Variants in CPEB1 observed in about 807,000 individuals in gnomAD.
The protein encoded by CPEB1 is cytoplasmic polyadenylation element binding protein 1, also known as cytoplasmic polyadenylation element-binding protein 1.
CPEB1 carries 7 observed loss-of-function variants against 65.8 expected under a neutral mutation model. The ratio of observed to expected loss-of-function variants is 0.11; its 90% confidence interval spans 0.06 to 0.20. The LOEUF (loss-of-function observed/expected upper bound fraction) is 0.20. Among genes scored for constraint, CPEB1 ranks in the 10% least tolerant of loss-of-function variants. CPEB1 has a pLI of 1.00. For synonymous variants in CPEB1, 262 were observed against 260.0 expected (o/e 1.01, Z -0.08); for missense variants, 551 against 712.2 (o/e 0.77, Z 2.58).
At chr15:82,611,300 T>C (rs2044130053) in intron 3 of CPEB1, among the ~76,000 whole-genome samples, 2 of 151,982 alleles carry the variant, frequency 1.3e-5, no homozygotes, top group African/African-American at 2.4e-5. Flanking sequence ...CAATGAACAA[T>C]CTGAAAATAA....
chr15:82,544,651 C>T lies in CPEB1; in HGVS notation c.1708G>A (p.Glu570Lys), dbSNP rs2034840411. ...RSCWHWRHSM[E>K]GLRHHSPLMR... is the part of the protein sequence containing the mutation. ...AGGGGGCTGTGGTGGCGCAGGCCCT[C>T]CATGCTGTGCCGCCAGTGCCAGCAG... The change falls in exon 13 of 13, where the codon GAG becomes AAG. Residue 570 changes from glutamate to lysine, a missense_variant. Physicochemically the swap from Glu to Lys is moderately conservative, Grantham distance 56 (BLOSUM62 1). Coordinates refer to ENST00000684509, the MANE Select transcript of CPEB1 (RefSeq NM_001365242.1). The T allele has an allele frequency of 6.2e-7, 1 of 1,613,390 alleles. No homozygotes were observed. Among genetic ancestry groups the T allele is most frequent in the Non-Finnish European group, 8.5e-7 (1 of 1,179,838 alleles).
At chr15:82,581,106 TGCTGGAATTACAG>T (rs1378114222) in intron 3 of CPEB1, among the ~76,000 whole-genome samples, 1 of 152,138 alleles carries the variant, frequency 6.6e-6, no homozygotes, top group African/African-American at 2.4e-5. Flanking sequence ...CCTCCCAAAG[TGCTGGAATTACAG>T]GCATGAGCCA....
intron 3 of CPEB1, among the ~76,000 whole-genome samples, chr15:82,614,760 C>T (rs1240618317): frequency 6.6e-6 from 1 of 151,822 alleles, no homozygotes; most frequent in Non-Finnish European, 1.5e-5. Context: ...CGAAACGAAA[C>T]CCAAGGATAT....
chr15:82,573,234 A>G (rs1041394602), intron 3 of CPEB1: 6 of 1,152,914 alleles, frequency 5.2e-6, no homozygotes, highest in Non-Finnish European at 6.9e-6. Context: ...TCCTTTGGAG[A>G]TTTTTTTTTT....
intron 3 of CPEB1, among the ~76,000 whole-genome samples, chr15:82,588,898 G>A (rs1011951574): frequency 1.3e-5 from 2 of 152,162 alleles, no homozygotes; most frequent in African/African-American, 4.8e-5. Context: ...TCTACCATAT[G>A]TTCTTAAGAT....
intron 7 of CPEB1, 37 bp downstream of exon 7, chr15:82,553,841 C>G (rs1236287071): frequency 7.9e-6 from 11 of 1,390,266 alleles, no homozygotes; most frequent in Non-Finnish European, 1.1e-5. Flanking sequence ...CATGCCCCAC[C>G]CTTCAACTCT....
At chr15:82,578,772 C>CA (rs1031000148) in intron 3 of CPEB1, among the ~76,000 whole-genome samples, 2 of 151,708 alleles carry the variant, frequency 1.3e-5, no homozygotes, top group South Asian at 2.1e-4. Flanking sequence ...AACAAACAAA[C>CA]AAAAAAAACC....
chr15:82,556,898 C>T (rs1056568431), intron 5 of CPEB1, among the ~76,000 whole-genome samples: 1 of 152,074 alleles, frequency 6.6e-6, no homozygotes, highest in African/African-American at 2.4e-5. Context: ...GGCTGACAGG[C>T]GATCACAACC....
At chr15:82,618,801 T>A (rs372599743) in intron 3 of CPEB1, among the ~76,000 whole-genome samples, 2 of 151,848 alleles carry the variant, frequency 1.3e-5, no homozygotes, top group Admixed American at 6.6e-5. Flanking sequence ...ACTAAGAAAA[T>A]TTTTAAAGAC....
intron 6 of CPEB1, among the ~76,000 whole-genome samples, chr15:82,554,933 C>G (rs1277093074): frequency 6.6e-6 from 1 of 152,158 alleles, no homozygotes; most frequent in Non-Finnish European, 1.5e-5. Context: ...AGAGAAAGTA[C>G]AAAGATGGGT....
chr15:82,629,124 T>C (rs1203560380), intron 1 of CPEB1: 1 of 271,578 alleles, frequency 3.7e-6, no homozygotes, highest in Non-Finnish European at 5.6e-6. Context: ...AATACAGCTG[T>C]TTAAAAATTT....
chr15:82,614,327 G>A (rs1411235371), intron 3 of CPEB1, among the ~76,000 whole-genome samples: 10 of 152,122 alleles, frequency 6.6e-5, no homozygotes, highest in East Asian at 3.9e-4. Context: ...TTCTTGACCT[G>A]GGTAGTGGTT....
At chr15:82,640,731 A>G (rs1437423269) in intron 1 of CPEB1, 2 of 152,180 alleles carry the variant, frequency 1.3e-5, no homozygotes, top group East Asian at 1.9e-4. Flanking sequence ...AAAGAGCTCA[A>G]TCTAAAACTT....
chr15:82,648,725 G>A (rs1406590189), upstream of CPEB1: 4 of 152,496 alleles, frequency 2.6e-5, no homozygotes, highest in African/African-American at 7.2e-5. Flanking sequence ...CAAAGGCAGA[G>A]AGGGAGGACG....
rs1190812451 is a variant in CPEB1, at chr15:82,552,534, A to G, written c.1227T>C (p.Asp409=). 1 of 1,608,824 alleles carries G rather than the reference A, an allele frequency of 6.2e-7. No homozygotes were observed. The highest frequency in any genetic ancestry group is 1.3e-5 in the African/African-American group (1 of 74,472). Residue 409 remains aspartate (D), a synonymous_variant, in exon 9 of 13, where the codon GAT becomes GAC. Coordinates refer to ENST00000684509, the MANE Select transcript of CPEB1 (RefSeq NM_001365242.1). The part of the protein sequence containing the change: ...QACSHDPLSP[D]GLSEYYFKMS... ...TCTTGAAATAATATTCACTCAGGCC[A>G]TCTGGGCTCAGCGGGTCATGAGAGC... is the stretch of plus-strand genomic sequence containing the variant.
chr15:82,576,798 G>A (rs528877513), intron 3 of CPEB1, among the ~76,000 whole-genome samples: 39 of 152,264 alleles, frequency 2.6e-4, no homozygotes, highest in Non-Finnish European at 5.0e-4. Flanking sequence ...CAACGCAGGT[G>A]GATAGCTTGA....
intron 3 of CPEB1, among the ~76,000 whole-genome samples, chr15:82,623,486 T>C (rs1203268761): frequency 6.6e-6 from 1 of 152,158 alleles, no homozygotes; most frequent in Non-Finnish European, 1.5e-5. Context: ...AAGACCAGCC[T>C]GGCCAATGTG....
chr15:82,640,193 T>G (rs1193797165), intron 1 of CPEB1, among the ~76,000 whole-genome samples: 3 of 152,160 alleles, frequency 2.0e-5, no homozygotes, highest in Admixed American at 6.5e-5. Context: ...TCTGGATATG[T>G]GGTCCAGACC....
rs117944764 is a variant in CPEB1 at position 82,637,734 on chromosome 15, G to C, written c.-97-9178C>G. 8.8e-4 allele frequency among the ~76,000 whole-genome samples: 134 copies of C among 152,158 alleles called. 2 individuals carry two copies. The East Asian group carries it at 0.024, about 27-fold the overall frequency. On this transcript the variant is annotated intron_variant, in intron 1 of 12. Transcript: ENST00000684509. ...GCCTGGATATTCTTACAGGATCTCT[G>C]GAAAGTACAAATCTAATCACCTACT... is the stretch of plus-strand genomic sequence containing the variant.
Sources: gnomAD v4.1 joint callset for allele counts (sites outside exome capture counted in the v4.1 genomes callset) on GRCh38, gnomAD v4.1.1 for gene constraint, MANE v1.5 for transcripts, NCBI Gene and HGNC (gene_info 2026-07-23, HGNC 2026-07-21) for gene names.